AFAP1: variants seen among roughly 807,000 people sequenced by gnomAD.
The protein encoded by AFAP1 is actin filament-associated protein 1.
Under a neutral mutation model 93.9 loss-of-function variants are expected in AFAP1, and 75 were observed. The observed-to-expected ratio is 0.80, with a 90% CI of 0.66 to 0.97. AFAP1 has a LOEUF of 0.97. AFAP1 is among the 50% of genes least tolerant of loss of function. The probability of loss-of-function intolerance (pLI) is 0.00; values close to 1 mark genes in which losing one functional copy is unlikely to be tolerated. For synonymous variants in AFAP1, 517 were observed against 430.7 expected (o/e 1.20, Z -2.48); for missense variants, 1,201 against 1,050.8 (o/e 1.14, Z -1.98).
chr4:7,843,062 T>C (rs1029408503), intron 5 of AFAP1, 77 bp downstream of exon 5: 10 of 1,482,870 alleles, frequency 6.7e-6, no homozygotes, highest in South Asian at 2.4e-5. Context: ...CTGATGTTAA[T>C]GGTGACTGGA....
intron 1 of AFAP1, among the ~76,000 whole-genome samples, chr4:7,901,224 C>T (rs1363978849): frequency 6.6e-6 from 1 of 152,220 alleles, no homozygotes; most frequent in African/African-American, 2.4e-5. Context: ...GCGTGCCTAG[C>T]AGGGAGATGG....
rs544514480 is a variant in AFAP1, at chr4:7,909,254, A to G, written c.-3+30402T>C. 3.3e-5 allele frequency among the ~76,000 whole-genome samples: 5 copies of G among 152,326 alleles called. No homozygotes were observed. The South Asian group carries it at 1.0e-3, about 32-fold the overall frequency. On this transcript the variant is annotated intron_variant, in intron 1 of 17. Transcript: ENST00000420658. ...TGATGACCCCTTGTCATCCCATTTC[A>G]TAGATGAAAGTCAGGTTTATATAAG...
At chr4:7,842,911 G>A (rs973173047) in intron 5 of AFAP1, 11 of 530,854 alleles carry the variant, frequency 2.1e-5, no homozygotes, top group Non-Finnish European at 3.4e-5. Flanking sequence ...TTCGCTGGCT[G>A]CTTTTGGAGC....
chr4:7,769,033 G>A (rs373992766), intron 16 of AFAP1, 25 bp from the exon 17 acceptor site: 744 of 1,565,210 alleles, frequency 4.8e-4, no homozygotes, highest in Non-Finnish European at 6.3e-4. Context: ...AGAACCCCAT[G>A]TGATGAGCGG....
rs117653676 is a variant in AFAP1 at position 7,858,784 on chromosome 4, T to C, written c.226-3210A>G. 5.0e-4 allele frequency among the ~76,000 whole-genome samples: 76 copies of C among 152,242 alleles called. 1 individual carries two copies. In the East Asian group the frequency reaches 0.014, roughly 29 times the overall value. On this transcript the variant is annotated intron_variant, in intron 3 of 17. Transcript: ENST00000420658. ...CATTCCCTCACCTAAAACAAGGGCA[T>C]CGCATCAGAACAACCTTCAGTGCCC...
intron 1 of AFAP1, among the ~76,000 whole-genome samples, chr4:7,928,622 A>G (rs540071668): frequency 1.3e-5 from 2 of 152,282 alleles, no homozygotes; most frequent in Admixed American, 1.3e-4. Flanking sequence ...TCCTGACCTC[A>G]TGATTCGCCC....
intron 16 of AFAP1, among the ~76,000 whole-genome samples, chr4:7,771,891 AG>A (rs1303230919): frequency 6.6e-6 from 1 of 152,068 alleles, no homozygotes; most frequent in Non-Finnish European, 1.5e-5. Flanking sequence ...TTGGAGGAGA[AG>A]GGGAGAGTAA....
chr4:7,899,592 A>C (rs954512315), intron 1 of AFAP1, among the ~76,000 whole-genome samples: 7 of 152,210 alleles, frequency 4.6e-5, no homozygotes, highest in Non-Finnish European at 7.3e-5. Context: ...ATGGCATGTA[A>C]ACCTAATAAG....
At chr4:7,763,873 C>G (rs1714157716) in intron 17 of AFAP1, 82 bp from the exon 18 acceptor site, 2 of 1,424,888 alleles carry the variant, frequency 1.4e-6, no homozygotes, top group Non-Finnish European at 1.9e-6. Context: ...ACATTCAACT[C>G]AGAGGGGGTG....
chr4:7,913,294 G>A (rs1719878330), intron 1 of AFAP1, among the ~76,000 whole-genome samples: 1 of 151,666 alleles, frequency 6.6e-6, no homozygotes, highest in Admixed American at 6.6e-5. Flanking sequence ...GGAGGCTGAG[G>A]TGGGAGGATC....
In AFAP1 at chr4:7,774,758, C is replaced by T. The variant is rs750158329; in HGVS notation, c.2043G>A (p.Ala681=). 5.6e-6 allele frequency: 9 copies of T among 1,614,072 alleles called. No individual in the cohort carries two copies. Among genetic ancestry groups the T allele is most frequent in the South Asian group, 5.5e-5 (5 of 91,078 alleles). The change falls in exon 15 of 18, where the codon GCG becomes GCA. Residue 681 remains alanine (A), a synonymous_variant. Transcript: ENST00000420658. ...TCATACCGGCGTTCACTTCAATAGCCGCTCGAAGGTCTTTTCTTTCCTTGC... is the reference window on the plus strand; with the variant it reads ...TCATACCGGCGTTCACTTCAATAGCTGCTCGAAGGTCTTTTCTTTCCTTGC... ...QLRKERKDLR[A]AIEVNAGRKP...
rs140576933 is a variant in AFAP1 at position 7,911,624 on chromosome 4, T to C, written c.-3+28032A>G. Among the ~76,000 whole-genome samples, 175 of 152,300 alleles carry C rather than the reference T, an allele frequency of 1.1e-3. 4 individuals carry two copies. In the East Asian group the frequency reaches 0.029, roughly 26 times the overall value. ...ATCTCCATTTTTTAAGAAATGGAGT[T>C]TCTGAGTTTATGAAACCAAAACTTT... On this transcript the variant is annotated intron_variant, in intron 1 of 17. Coordinates refer to ENST00000420658, the MANE Select transcript of AFAP1 (RefSeq NM_001134647.2).
At chr4:7,909,523 G>A (rs1172365881) in intron 1 of AFAP1, among the ~76,000 whole-genome samples, 3 of 152,194 alleles carry the variant, frequency 2.0e-5, no homozygotes, top group African/African-American at 7.2e-5. Context: ...AGGTGGAATG[G>A]GTAGAGATCG....
At chr4:7,834,139 T>C (rs1711991752) in intron 6 of AFAP1, among the ~76,000 whole-genome samples, 1 of 66,898 alleles carries the variant, frequency 1.5e-5, no homozygotes, top group South Asian at 3.5e-4. Context: ...ATATATACAA[T>C]GGAATACTAC....
chr4:7,812,478 G>A (rs1392554038), intron 8 of AFAP1, among the ~76,000 whole-genome samples: 20 of 152,062 alleles, frequency 1.3e-4, no homozygotes, highest in African/African-American at 4.1e-4. Flanking sequence ...ATCCTGGGGC[G>A]AAAAAATCCA....
At position 7,768,667 on chromosome 4, in the gene AFAP1, C is replaced by T. The variant is rs569973379; in HGVS notation, c.2418+177G>A. Among the ~76,000 whole-genome samples, 104 of 152,336 alleles carry T rather than the reference C, an allele frequency of 6.8e-4. 1 individual carries two copies. Among genetic ancestry groups the T allele is most frequent in the Non-Finnish European group, 8.1e-4 (55 of 68,022 alleles). On this transcript the variant is annotated intron_variant, in intron 17 of 17. Coordinates refer to ENST00000420658, the MANE Select transcript of AFAP1 (RefSeq NM_001134647.2). Reference sequence around the variant, plus strand: ...TCACCTTTGAGAACCCGGTTCCTAACAGGATCTGCGGGGTGGTGAGAACTC... The same window carrying T: ...TCACCTTTGAGAACCCGGTTCCTAATAGGATCTGCGGGGTGGTGAGAACTC...
intron 1 of AFAP1, among the ~76,000 whole-genome samples, chr4:7,873,020 C>A (rs1717188453): frequency 6.7e-6 from 1 of 148,762 alleles, no homozygotes; most frequent in Non-Finnish European, 1.5e-5. Context: ...GAGACCCAGG[C>A]AGGCGGATCA....
At chr4:7,817,481 C>T (rs1007912945) in intron 7 of AFAP1, among the ~76,000 whole-genome samples, 1 of 152,182 alleles carries the variant, frequency 6.6e-6, no homozygotes, top group Non-Finnish European at 1.5e-5. Context: ...ATCCCAGTTA[C>T]TCAGGAGGCT....
intron 11 of AFAP1, among the ~76,000 whole-genome samples, chr4:7,791,763 G>A (rs748150628): frequency 4.0e-5 from 6 of 151,230 alleles, no homozygotes; most frequent in Non-Finnish European, 7.4e-5. Context: ...TGAGATGGGA[G>A]GATCCCTTGA....
Sources: gnomAD v4.1 joint callset for allele counts (sites outside exome capture counted in the v4.1 genomes callset) on GRCh38, gnomAD v4.1.1 for gene constraint, MANE v1.5 for transcripts, NCBI Gene and HGNC (gene_info 2026-07-23, HGNC 2026-07-21) for gene names.